The following FBH1 variants were observed in gnomAD, a reference collection of about 807,000 sequenced individuals.
FBH1 encodes the protein DNA 3'-5' helicase 1.
A neutral mutation model predicts 115.5 loss-of-function variants in FBH1; 43 were observed. The observed-to-expected ratio is 0.37, with a 90% confidence interval of 0.29 to 0.48. The LOEUF (loss-of-function observed/expected upper bound fraction) is 0.48, where lower values mean the gene tolerates loss of function less well. FBH1 is among the 20% of genes least tolerant of loss of function. The pLI is 0.99. For missense variants in FBH1, 1,001 were observed against 1,337.3 expected, an observed-to-expected ratio of 0.75 and a Z score of 3.92; for synonymous variants, 524 against 507.8, an observed-to-expected ratio of 1.03 and a Z score of -0.43.
At chr10:5,893,990 C>T (rs1003721855) in intron 1 of FBH1, 10 of 985,198 alleles carry the variant, frequency 1.0e-5, no homozygotes, top group South Asian at 4.7e-5. Context: ...AAACATAGAA[C>T]GGAAAGCCCA....
chr10:5,936,511 G>A lies in FBH1; in HGVS notation c.2885G>A (p.Arg962His), dbSNP rs1325623117. The change falls in exon 20 of 21, where the codon CGC (arginine) becomes CAC (histidine). Residue 962 changes from arginine (R) to histidine (H), a missense_variant. Physicochemically the swap from Arg to His is conservative, Grantham distance 29 (BLOSUM62 0). This residue lies in a region of FBH1 where 521 missense variants were observed against 811.0 expected (regional missense o/e 0.64). Transcript: ENST00000362091. The surrounding 1 kb of genome is among the most constrained non-coding windows in gnomAD (Gnocchi z 5.6). ...TSNVLKTGVV[R>H]CCVGQCNNAI... ...AACGTCTTAAAAACAGGCGTGGTGC[G>A]CTGCTGCGTGGGACAGTGCAACAAT... The A allele has an allele frequency of 1.8e-5, 29 of 1,613,980 alleles. No individual in the cohort carries two copies. Among genetic ancestry groups the A allele is most frequent in the South Asian group, 3.3e-5 (3 of 91,086 alleles).
chr10:5,899,527 G>C (rs1417476544), intron 1 of FBH1, among the ~76,000 whole-genome samples: 1 of 151,966 alleles, frequency 6.6e-6, no homozygotes, highest in Non-Finnish European at 1.5e-5. Flanking sequence ...TCTAATTGTA[G>C]ATACTGTACT....
chr10:5,894,631 T>C, intron 1 of FBH1: 2 of 724,224 alleles, frequency 2.8e-6, no homozygotes, highest in East Asian at 2.5e-5. Context: ...TCTGGGAGAG[T>C]TGAGAGCTTC....
At position 5,913,934 on chromosome 10, in the gene FBH1, A is replaced by G. The variant is rs1831768017; in HGVS notation, c.1304+95A>G. ...TGTTTTGCTTCACTTTAGCAACATCATTGAGGTTAATAATGTAAATTGTGT... is the reference window on the plus strand; with the variant it reads ...TGTTTTGCTTCACTTTAGCAACATCGTTGAGGTTAATAATGTAAATTGTGT... On this transcript the variant is annotated intron_variant, in intron 7 of 20. Transcript: ENST00000362091. This position sits in a 1 kb window ranked among gnomAD's most constrained non-coding sequence, Gnocchi z 4.4. 2.0e-6 allele frequency: 2 copies of G among 982,974 alleles called. No individual in the cohort carries two copies. Among genetic ancestry groups the G allele is most frequent in the Middle Eastern group, 2.1e-4 (1 of 4,830 alleles). The allele number at this position is 982,974 out of a possible 1,614,324, so 60.9% of individuals were successfully genotyped here. A position where few individuals can be genotyped will look rare whatever the true frequency, so the allele number is the denominator to read the frequency against.
intron 1 of FBH1, among the ~76,000 whole-genome samples, chr10:5,891,610 A>AAT (rs1029952968): frequency 3.4e-4 from 52 of 151,542 alleles, no homozygotes; most frequent in Admixed American, 9.9e-4. Context: ...AGTAGGTTGG[A>AAT]ATATATATAT....
In FBH1 at chr10:5,909,114, C is replaced by CTTAT; in HGVS notation, c.885-44_885-41dup. On this transcript the variant is annotated intron_variant, in intron 4 of 20. Transcript: ENST00000362091. The surrounding 1 kb of genome is among the most constrained non-coding windows in gnomAD (Gnocchi z 4.4). ...TTGAAGTCTTCCTTGTACATCAGTGCTTATGGTCACCCTACTCATGGCCTC... is the reference window on the plus strand; with the variant it reads ...TTGAAGTCTTCCTTGTACATCAGTGCTTATTTATGGTCACCCTACTCATGGCCTC... The CTTAT allele has an allele frequency of 6.2e-7, 1 of 1,613,464 alleles. No homozygotes were observed. The highest frequency in any genetic ancestry group is 8.5e-7 in the Non-Finnish European group (1 of 1,179,796).
chr10:5,937,011 T>C (rs1294129152), intron 20 of FBH1, 99 bp from the exon 21 acceptor site: 11 of 1,344,254 alleles, frequency 8.2e-6, no homozygotes, highest in African/African-American at 2.9e-5. Flanking sequence ...CCAAATGCGT[T>C]GTCCCTGGGC....
Position 5,909,522 on chromosome 10 carries a change from A to G in FBH1, c.1020+228A>G. On this transcript the variant is annotated intron_variant, in intron 5 of 20. Coordinates refer to ENST00000362091, the MANE Select transcript of FBH1 (RefSeq NM_178150.3). The surrounding 1 kb of genome is among the most constrained non-coding windows in gnomAD (Gnocchi z 4.4). ...AAATTTTAACAAATCATTTAGTCTGATTTCCCATTTGGTTGAGGAATCTTC... is the reference window on the plus strand; with the variant it reads ...AAATTTTAACAAATCATTTAGTCTGGTTTCCCATTTGGTTGAGGAATCTTC... 1.0e-5 allele frequency: 5 copies of G among 481,050 alleles called. No homozygotes were observed. Among genetic ancestry groups the G allele is most frequent in the Non-Finnish European group, 1.8e-5 (5 of 281,988 alleles). The allele number at this position is 481,050 out of a possible 1,614,324, so 29.8% of individuals were successfully genotyped here.
chr10:5,925,537 G>A lies in FBH1; in HGVS notation c.2722+45G>A, dbSNP rs375368065. 54 of 1,607,922 alleles carry A rather than the reference G, an allele frequency of 3.4e-5. No individual in the cohort carries two copies. The African/African-American group carries it at 4.1e-4, about 12-fold the overall frequency. On this transcript the variant is annotated intron_variant, in intron 18 of 20. Coordinates refer to ENST00000362091, the MANE Select transcript of FBH1 (RefSeq NM_178150.3). This position sits in a 1 kb window ranked among gnomAD's most constrained non-coding sequence, Gnocchi z 4.6. ...TGTCAGGTGCTGCTGTATGTAGTGA[G>A]TGGTGACTGGAATGCTTCCTTTGCA...
At chr10:5,899,649 T>C (rs1469028703) in intron 1 of FBH1, among the ~76,000 whole-genome samples, 1 of 152,184 alleles carries the variant, frequency 6.6e-6, no homozygotes, top group East Asian at 1.9e-4. Flanking sequence ...CTGCAGCTGC[T>C]CCTGCTGTTG....
intron 3 of FBH1, among the ~76,000 whole-genome samples, 184 bp from the exon 4 acceptor site, chr10:5,908,741 G>A (rs982024279): frequency 2.6e-5 from 4 of 151,998 alleles, no homozygotes; most frequent in Admixed American, 1.3e-4. Flanking sequence ...TGAGTAGCTG[G>A]GACTACAGGC....
At position 5,916,330 on chromosome 10, in the gene FBH1, G is replaced by C. The variant is rs769824731; in HGVS notation, c.1662G>C (p.Lys554Asn). The change falls in exon 10 of 21, where the codon AAG becomes AAC. Residue 554 changes from lysine to asparagine, a missense_variant. By Grantham distance (94) the Lys-to-Asn change is moderately conservative (BLOSUM62 0). Coordinates refer to ENST00000362091, the MANE Select transcript of FBH1 (RefSeq NM_178150.3). ...AEGKGGFIRA[K>N]LVCKTLENFF... The stretch of plus-strand genomic sequence containing the variant: ...GGAAGGGTGGATTCATAAGAGCCAA[G>C]CTTGTGTGTAAGACTCTAGAAAACT... 6.2e-7 allele frequency: 1 copy of C among 1,614,210 alleles called. No individual in the cohort carries two copies. The highest frequency in any genetic ancestry group is 8.5e-7 in the Non-Finnish European group (1 of 1,180,044).
Position 5,925,515 on chromosome 10 carries a change from C to A in FBH1, c.2722+23C>A. The stretch of plus-strand genomic sequence containing the variant: ...TTGGTAAGAGGCCGCCGGGTAGTGT[C>A]AGGTGCTGCTGTATGTAGTGAGTGG... On this transcript the variant is annotated intron_variant, in intron 18 of 20. Coordinates refer to ENST00000362091, the MANE Select transcript of FBH1 (RefSeq NM_178150.3). This position sits in a 1 kb window ranked among gnomAD's most constrained non-coding sequence, Gnocchi z 4.6. The A allele has an allele frequency of 6.2e-7, 1 of 1,612,580 alleles. No individual in the cohort carries two copies. Among genetic ancestry groups the A allele is most frequent in the South Asian group, 1.1e-5 (1 of 90,930 alleles).
intron 13 of FBH1, among the ~76,000 whole-genome samples, chr10:5,919,756 C>G (rs1485595316): frequency 6.6e-6 from 1 of 152,216 alleles, no homozygotes; most frequent in Non-Finnish European, 1.5e-5. Context: ...CTCTGTGACT[C>G]TTCCCTTGAG....
Position 5,917,662 on chromosome 10 carries a change from A to G in FBH1, c.1949A>G (p.Gln650Arg). The change falls in exon 12 of 21, where the codon CAG becomes CGG. Residue 650 changes from glutamine (Q) to arginine (R), a missense_variant. By Grantham distance (43) the Gln-to-Arg change is conservative (BLOSUM62 1). This residue lies in a region of FBH1 where 521 missense variants were observed against 811.0 expected (regional missense o/e 0.64). Transcript: ENST00000362091. The surrounding 1 kb of genome is among the most constrained non-coding windows in gnomAD (Gnocchi z 5.6). ...SFDAIFVDEA[Q>R]DCTPAIMNIV... is the part of the protein sequence containing the mutation. Reference sequence around the variant, plus strand: ...GACGCCATCTTTGTGGATGAGGCCCAGGACTGCACACCAGGTGATACACTG... The same window carrying G: ...GACGCCATCTTTGTGGATGAGGCCCGGGACTGCACACCAGGTGATACACTG... 1 of 1,613,728 alleles carries G rather than the reference A, an allele frequency of 6.2e-7. No homozygotes were observed. Among genetic ancestry groups the G allele is most frequent in the Non-Finnish European group, 8.5e-7 (1 of 1,179,740 alleles).
chr10:5,894,088 G>C, intron 1 of FBH1: 1 of 985,424 alleles, frequency 1.0e-6, no homozygotes, highest in Non-Finnish European at 1.2e-6. Flanking sequence ...GGGAGATTGA[G>C]CTTACTGCCT....
rs1466657623 is a variant in FBH1, at chr10:5,900,756, TA to T, written c.2-2263del. 6.6e-6 allele frequency among the ~76,000 whole-genome samples: 1 copy of T among 152,186 alleles called. No individual in the cohort carries two copies. Among genetic ancestry groups the T allele is most frequent in the Non-Finnish European group, 1.5e-5 (1 of 68,034 alleles). On this transcript the variant is annotated intron_variant, in intron 1 of 20. Coordinates refer to ENST00000362091, the MANE Select transcript of FBH1 (RefSeq NM_178150.3). This position sits in a 1 kb window ranked among gnomAD's most constrained non-coding sequence, Gnocchi z 4.2. ...AATAATGAAAAAATATTGTAAACTA[TA>T]TCAGCTAAATCACTGGGGTCTTGGC...
In FBH1 at chr10:5,923,288, C is replaced by T. The variant is rs528869684; in HGVS notation, c.2323-333C>T. On this transcript the variant is annotated intron_variant, in intron 15 of 20. Coordinates refer to ENST00000362091, the MANE Select transcript of FBH1 (RefSeq NM_178150.3). The surrounding 1 kb of genome is among the most constrained non-coding windows in gnomAD (Gnocchi z 5.7). ...AATCGTCTTATGTTCTTGGAAGATG[C>T]TTAAATTGCCTTTTTATTGATGGGA... Among the ~76,000 whole-genome samples the T allele has an allele frequency of 5.0e-4, 76 of 152,320 alleles. No homozygotes were observed. Among genetic ancestry groups the T allele is most frequent in the African/African-American group, 1.7e-3 (70 of 41,576 alleles).
At chr10:5,926,263 G>T (rs1295834175) in intron 18 of FBH1, among the ~76,000 whole-genome samples, 1 of 152,130 alleles carries the variant, frequency 6.6e-6, no homozygotes, top group Non-Finnish European at 1.5e-5. Flanking sequence ...ACAGGCACGT[G>T]CCACCACGCC....
Sources: allele counts gnomAD v4.1 joint callset (sites outside exome capture counted in the v4.1 genomes callset), GRCh38; gene constraint gnomAD v4.1.1; regional missense constraint gnomAD v4.1.1; non-coding constraint Gnocchi (gnomAD v3.1); transcripts MANE v1.5; gene names NCBI Gene and HGNC (gene_info 2026-07-23, HGNC 2026-07-21).